The following CFAP58 variants were observed in gnomAD, a reference collection of about 807,000 sequenced individuals.
The protein encoded by CFAP58 is cilia- and flagella-associated protein 58.
A neutral mutation model predicts 119.5 loss-of-function variants in CFAP58; 88 were observed. That is an observed-to-expected ratio of 0.74 (90% CI 0.62 to 0.88). The LOEUF (loss-of-function observed/expected upper bound fraction) is 0.88, where lower values mean the gene tolerates loss of function less well. Ranked by LOEUF, CFAP58 falls within the 40% of genes least tolerant of loss-of-function variation. CFAP58 has a pLI of 0.00. For synonymous variants in CFAP58, 365 were observed against 366.3 expected (o/e 1.00, Z 0.04); for missense variants, 990 against 1,021.2 (o/e 0.97, Z 0.42).
At chr10:104,369,329 T>C (rs560983473) in intron 6 of CFAP58, among the ~76,000 whole-genome samples, 22 of 152,362 alleles carry the variant, frequency 1.4e-4, no homozygotes, top group African/African-American at 5.1e-4. Context: ...ACACACTTAT[T>C]TGCATATCTT....
chr10:104,428,031 T>C (rs2012778322), intron 15 of CFAP58, among the ~76,000 whole-genome samples: 1 of 152,222 alleles, frequency 6.6e-6, no homozygotes, highest in Admixed American at 6.5e-5. Flanking sequence ...AGGCTCTGTA[T>C]TCCTTGCTTA....
intron 15 of CFAP58, among the ~76,000 whole-genome samples, chr10:104,422,999 G>T (rs1010432168): frequency 3.9e-5 from 6 of 152,140 alleles, no homozygotes; most frequent in African/African-American, 1.4e-4. Flanking sequence ...CATAATAATT[G>T]TACTAAGATT....
Position 104,447,697 on chromosome 10 carries a change from G to C in CFAP58, c.2257-1G>C. The C allele has an allele frequency of 1.9e-6, 3 of 1,613,954 alleles. No individual in the cohort carries two copies. Among genetic ancestry groups the C allele is most frequent in the Non-Finnish European group, 2.5e-6 (3 of 1,179,946 alleles). The stretch of plus-strand genomic sequence containing the variant: ...CTGCTCCTGGTTCTGCTCTCCACTA[G>C]GAAAAGGAGAAACTCTACATGGAAC... On this transcript the variant is annotated splice_acceptor_variant, in intron 15 of 17. Transcript: ENST00000369704. LOFTEE classifies it high-confidence loss of function.
intron 9 of CFAP58, among the ~76,000 whole-genome samples, chr10:104,387,322 A>G (rs1302676687): frequency 1.3e-5 from 2 of 152,202 alleles, no homozygotes; most frequent in Admixed American, 6.5e-5. Context: ...TCTGGACCAC[A>G]TGTTTCTTAT....
At chr10:104,351,420 C>G (rs1017962755), upstream of CFAP58, among the ~76,000 whole-genome samples, 2 of 152,154 alleles carry the variant, frequency 1.3e-5, no homozygotes, top group Non-Finnish European at 2.9e-5. Flanking sequence ...AATCTTAACA[C>G]AGAAGAATTT....
chr10:104,375,257 T>C (rs2014876936), intron 7 of CFAP58, among the ~76,000 whole-genome samples: 1 of 150,540 alleles, frequency 6.6e-6, no homozygotes, highest in African/African-American at 2.4e-5. Context: ...TATGTATTTA[T>C]AAATATATTT....
intron 1 of CFAP58, among the ~76,000 whole-genome samples, chr10:104,357,944 TAC>T (rs551062058): frequency 0.2 from 23,344 of 114,458 alleles, 3,024 homozygotes; most frequent in Middle Eastern, 0.26. Flanking sequence ...CACATATATG[TAC>T]ACATATATAC....
At chr10:104,418,630 A>G (rs967578848) in intron 15 of CFAP58, among the ~76,000 whole-genome samples, 26 of 152,196 alleles carry the variant, frequency 1.7e-4, no homozygotes, top group Non-Finnish European at 3.1e-4. Flanking sequence ...AGTGCCTCCC[A>G]ATAGAGCCAC....
chr10:104,451,147 G>A (rs1250844099), intron 17 of CFAP58, among the ~76,000 whole-genome samples: 2 of 152,190 alleles, frequency 1.3e-5, no homozygotes, highest in Non-Finnish European at 2.9e-5. Context: ...AGTTAATCTT[G>A]TAGTGACTCA....
chr10:104,435,601 G>A (rs1330952957), intron 15 of CFAP58, among the ~76,000 whole-genome samples: 3 of 152,016 alleles, frequency 2.0e-5, no homozygotes, highest in South Asian at 2.1e-4. Context: ...TCATCTTTTC[G>A]GGCTCAGAAG....
chr10:104,418,583 T>C (rs1050402522), intron 15 of CFAP58, among the ~76,000 whole-genome samples: 1 of 152,084 alleles, frequency 6.6e-6, no homozygotes, highest in Non-Finnish European at 1.5e-5. Context: ...ACCTTAGTCA[T>C]TGGAATCGAG....
chr10:104,397,813 G>T (rs1445044379), intron 11 of CFAP58, among the ~76,000 whole-genome samples: 1 of 152,138 alleles, frequency 6.6e-6, no homozygotes. Context: ...TCCCAGTTGG[G>T]CATGGAACCT....
chr10:104,374,077 T>G (rs1353933435), intron 7 of CFAP58, among the ~76,000 whole-genome samples: 5 of 152,116 alleles, frequency 3.3e-5, no homozygotes, highest in African/African-American at 1.2e-4. Context: ...AGTTAAAATT[T>G]TCTATATTCT....
intron 9 of CFAP58, among the ~76,000 whole-genome samples, chr10:104,381,763 G>A (rs1325943545): frequency 3.3e-5 from 5 of 152,148 alleles, no homozygotes; most frequent in African/African-American, 4.8e-5. Context: ...CCTTGCAGAC[G>A]CTTTGGGAAG....
chr10:104,405,833 G>T (rs1364481351), intron 14 of CFAP58, among the ~76,000 whole-genome samples: 1 of 152,160 alleles, frequency 6.6e-6, no homozygotes, highest in Admixed American at 6.5e-5. Flanking sequence ...TCTAGGGGCT[G>T]GGCACAGTGG....
rs41291848 is a variant in CFAP58 at position 104,376,879 on chromosome 10, G to A, written c.1159G>A (p.Asp387Asn). The A allele has an allele frequency of 1.6e-5, 26 of 1,612,698 alleles. No homozygotes were observed. The highest frequency in any genetic ancestry group is 2.2e-5 in the Non-Finnish European group (26 of 1,178,986). Reference protein sequence around the residue: ...KAMDELLRERDILNKNMLKAV... With the variant: ...KAMDELLRERNILNKNMLKAV... ...AATGGACGAGCTTCTAAGAGAAAGG[G>A]ACATACTAAATAAGGTGAGTGTGTT... The change falls in exon 8 of 18, where the codon GAC (aspartate) becomes AAC (asparagine). Residue 387 changes from aspartate (D) to asparagine (N), a missense_variant. Asp to Asn is a conservative substitution (Grantham distance 23). Coordinates refer to ENST00000369704, the MANE Select transcript of CFAP58 (RefSeq NM_001008723.2).
chr10:104,430,585 C>T (rs773308837), intron 15 of CFAP58, among the ~76,000 whole-genome samples: 12 of 152,228 alleles, frequency 7.9e-5, no homozygotes, highest in South Asian at 4.2e-4. Context: ...GGCTGTGCAG[C>T]GTAATGACCT....
Position 104,454,516 on chromosome 10 carries a change from A to G in CFAP58, c.2605A>G (p.Lys869Glu). 6.2e-7 allele frequency: 1 copy of G among 1,613,302 alleles called. No homozygotes were observed. Among genetic ancestry groups the G allele is most frequent in the Non-Finnish European group, 8.5e-7 (1 of 1,179,324 alleles). The change falls in exon 18 of 18, where the codon AAA becomes GAA. Residue 869 changes from lysine (K) to glutamate (E), a missense_variant. Transcript: ENST00000369704. ...GGGCGGATTTCCTCTCAGGTCAACC[A>G]AAATGACGTTCTAACCTGAAGCTGC... ...TGGGFPLRST[K>E]MTF is the part of the protein sequence containing the mutation.
At chr10:104,393,786 AAGAAATCCTTG>A (rs1414020993) in intron 11 of CFAP58, among the ~76,000 whole-genome samples, 1 of 152,240 alleles carries the variant, frequency 6.6e-6, no homozygotes, top group Non-Finnish European at 1.5e-5. Context: ...TGGCAGTGCC[AAGAAATCCTTG>A]AACTTACAAG....
Sources: allele counts gnomAD v4.1 joint callset (sites outside exome capture counted in the v4.1 genomes callset), GRCh38; gene constraint gnomAD v4.1.1; transcripts MANE v1.5; gene names NCBI Gene and HGNC (gene_info 2026-07-23, HGNC 2026-07-21).